The following ZNF514 variants were observed in gnomAD, a reference collection of about 807,000 sequenced individuals.
ZNF514 encodes zinc finger protein 514.
A neutral mutation model predicts 9.7 loss-of-function variants in ZNF514; 12 were observed. The observed-to-expected ratio is 1.24, with a 90% CI of 0.79 to 2.01. ZNF514 has a LOEUF of 2.01. Among genes scored for constraint, ZNF514 ranks in the 30% most tolerant of loss-of-function variants. The pLI, the probability that ZNF514 is intolerant of heterozygous loss-of-function variation, is 0.00. For missense variants in ZNF514, 467 were observed against 465.5 expected, an observed-to-expected ratio of 1.00 and a Z score of -0.03; for synonymous variants, 158 against 163.7, an observed-to-expected ratio of 0.97 and a Z score of 0.27.
intron 1 of ZNF514, chr2:95,158,992 C>T: frequency 7.8e-7 from 1 of 1,283,678 alleles, no homozygotes; most frequent in Non-Finnish European, 1.0e-6. Flanking sequence ...ATAGCTGGGG[C>T]TAAGGAGCGG....
chr2:95,134,120 A>C, the ZNF514 span, among the ~76,000 whole-genome samples: 1 of 152,060 alleles, frequency 6.6e-6, no homozygotes, highest in Admixed American at 6.5e-5. Flanking sequence ...TCCCCTACCA[A>C]GAATCTTGGC....
At chr2:95,156,007 G>A (rs1673678153) in intron 2 of ZNF514, among the ~76,000 whole-genome samples, 1 of 152,142 alleles carries the variant, frequency 6.6e-6, no homozygotes, top group Non-Finnish European at 1.5e-5. Context: ...AAGAAGAAAG[G>A]CACTCTTTCT....
the ZNF514 span, among the ~76,000 whole-genome samples, chr2:95,136,868 C>G: frequency 6.6e-6 from 1 of 152,160 alleles, no homozygotes; most frequent in Admixed American, 6.5e-5. Flanking sequence ...GATGGCAGAA[C>G]TTATCTCAGT....
chr2:95,123,793 G>A, the ZNF514 span, among the ~76,000 whole-genome samples: 1 of 152,208 alleles, frequency 6.6e-6, no homozygotes, highest in Admixed American at 6.5e-5. Flanking sequence ...AAACTGCATG[G>A]TAAGTTGCTG....
At chr2:95,133,912 CAT>C in the ZNF514 span, among the ~76,000 whole-genome samples, 1 of 152,128 alleles carries the variant, frequency 6.6e-6, no homozygotes, top group Non-Finnish European at 1.5e-5. Context: ...TGCTGGTTGT[CAT>C]ATTGTTTTGC....
Position 95,150,163 on chromosome 2 carries a change from G to A in ZNF514, c.322C>T (p.Leu108=). 3 of 1,610,080 alleles carry A rather than the reference G, an allele frequency of 1.9e-6. No homozygotes were observed. Among genetic ancestry groups the A allele is most frequent in the Non-Finnish European group, 2.5e-6 (3 of 1,179,962 alleles). ...VSVEKHIQDV[L]QFSKLKAACG... is the part of the protein sequence containing the mutation. ...GCTGCTTTCAACTTCGAGAACTGCA[G>A]CACATCTTGAATGTGTTTTTCCACT... Residue 108 remains leucine (L), a synonymous_variant, in exon 5 of 5, where the codon CTG becomes TTG. Transcript: ENST00000295208.
In ZNF514 at chr2:95,145,516, C is replaced by T. The variant is rs139997911; in HGVS notation, c.*3766G>A. 5.7e-3 allele frequency among the ~76,000 whole-genome samples: 873 copies of T among 152,258 alleles called. 10 individuals carry two copies. Among genetic ancestry groups the T allele is most frequent in the African/African-American group, 0.02 (811 of 41,552 alleles). On this transcript the variant is annotated 3_prime_UTR_variant, in exon 5 of 5. Transcript: ENST00000295208. Reference sequence around the variant, plus strand: ...TTCTGGCTTCATCTCACAGTAAGAACCTTGGTCTCCACAACACCTTATCTT... The same window carrying T: ...TTCTGGCTTCATCTCACAGTAAGAATCTTGGTCTCCACAACACCTTATCTT...
In ZNF514 at chr2:95,150,037, C is replaced by T. The variant is rs765126553; in HGVS notation, c.448G>A (p.Asp150Asn). 8.1e-6 allele frequency: 13 copies of T among 1,614,154 alleles called. No homozygotes were observed. The highest frequency in any genetic ancestry group is 1.6e-4 in the Middle Eastern group (1 of 6,062). ...CTCCCAAATCCATTCCATTTATAAT[C>T]TCTGCTAAGGGTGGTGGCAGATTTG... ...IHKSATTLSR[D>N]YKWNGFGRSL... Residue 150 changes from aspartate (D) to asparagine (N), a missense_variant, in exon 5 of 5, where the codon GAT becomes AAT. Physicochemically the swap from Asp to Asn is conservative, Grantham distance 23 (BLOSUM62 1). Coordinates refer to ENST00000295208, the MANE Select transcript of ZNF514 (RefSeq NM_032788.3).
the ZNF514 span, among the ~76,000 whole-genome samples, chr2:95,124,618 A>G: frequency 6.6e-6 from 1 of 151,666 alleles, no homozygotes; most frequent in South Asian, 2.1e-4. Context: ...CTCGTGCCTC[A>G]GTCTCCTGAT....
the ZNF514 span, among the ~76,000 whole-genome samples, chr2:95,138,412 G>C: frequency 6.6e-6 from 1 of 152,180 alleles, no homozygotes; most frequent in East Asian, 1.9e-4. Flanking sequence ...CAAGGTATCA[G>C]ATAGAAATGA....
intron 2 of ZNF514, chr2:95,154,041 G>A (rs1673617140): frequency 6.6e-6 from 1 of 152,134 alleles, no homozygotes; most frequent in African/African-American, 2.4e-5. Context: ...CACTACTATA[G>A]TGACCTCTTT....
In ZNF514 at chr2:95,149,765, G is replaced by C; in HGVS notation, c.720C>G (p.Ala240=). The change falls in exon 5 of 5, where the codon GCC becomes GCG. Residue 240 remains alanine (A), a synonymous_variant. Coordinates refer to ENST00000295208, the MANE Select transcript of ZNF514 (RefSeq NM_032788.3). ...TAATAAGGGATGAAATATGACCAAAGGCTCTTCCACAGTCACTGCATTCAT... is the reference window on the plus strand; with the variant it reads ...TAATAAGGGATGAAATATGACCAAACGCTCTTCCACAGTCACTGCATTCAT... ...KPYECSDCGR[A]FGHISSLIKH... The C allele has an allele frequency of 6.2e-7, 1 of 1,614,212 alleles. No homozygotes were observed. Among genetic ancestry groups the C allele is most frequent in the African/African-American group, 1.3e-5 (1 of 75,052 alleles).
Position 95,149,460 on chromosome 2 carries a change from T to G in ZNF514, c.1025A>C (p.Lys342Thr). The change falls in exon 5 of 5, where the codon AAA becomes ACA. Residue 342 changes from lysine to threonine, a missense_variant. Transcript: ENST00000295208. ...CCCACATTTATTACATTTGTAAGGT[T>G]TCTCTCCAGTATGAAATCTGTAATG... is the stretch of plus-strand genomic sequence containing the variant. ...IVHYRFHTGE[K>T]PYKCNKCGRA... is the part of the protein sequence containing the mutation. 1 of 1,613,928 alleles carries G rather than the reference T, an allele frequency of 6.2e-7. No homozygotes were observed. The highest frequency in any genetic ancestry group is 8.5e-7 in the Non-Finnish European group (1 of 1,179,948).
chr2:95,156,479 T>G (rs1450692950), intron 2 of ZNF514, among the ~76,000 whole-genome samples: 1 of 152,204 alleles, frequency 6.6e-6, no homozygotes, highest in African/African-American at 2.4e-5. Context: ...CCTCACTAAC[T>G]AGATAACCAT....
At chr2:95,144,290 TAGC>T (rs1673312091), downstream of ZNF514, among the ~76,000 whole-genome samples, 1 of 152,230 alleles carries the variant, frequency 6.6e-6, no homozygotes, top group African/African-American at 2.4e-5. Flanking sequence ...GCTAATGAGA[TAGC>T]AGGATGGTTG....
the ZNF514 span, among the ~76,000 whole-genome samples, chr2:95,128,006 G>C: frequency 1.3e-5 from 2 of 152,200 alleles, no homozygotes; most frequent in African/African-American, 4.8e-5. Context: ...CAACACTTTG[G>C]GAAGCTGAAG....
At chr2:95,140,603 A>C (rs1487659072), downstream of ZNF514, among the ~76,000 whole-genome samples, 2 of 152,012 alleles carry the variant, frequency 1.3e-5, no homozygotes, top group Non-Finnish European at 2.9e-5. Context: ...ACGGAGCAAG[A>C]CTTCATCTTG....
downstream of ZNF514, among the ~76,000 whole-genome samples, chr2:95,140,017 A>G (rs1676801473): frequency 1.3e-5 from 2 of 152,118 alleles, no homozygotes; most frequent in African/African-American, 4.8e-5. Context: ...CATTCTCACA[A>G]ACTATCACAA....
chr2:95,137,422 T>C, the ZNF514 span, among the ~76,000 whole-genome samples: 1 of 152,264 alleles, frequency 6.6e-6, no homozygotes, highest in African/African-American at 2.4e-5. Flanking sequence ...TTATCCATTA[T>C]GGTACATATG....
Sources: allele counts gnomAD v4.1 joint callset (sites outside exome capture counted in the v4.1 genomes callset), GRCh38; gene constraint gnomAD v4.1.1; transcripts MANE v1.5; gene names NCBI Gene and HGNC (gene_info 2026-07-23, HGNC 2026-07-21).